The following GLI3 variants were observed in gnomAD, a reference collection of about 807,000 sequenced individuals.
GLI3 encodes the protein GLI family zinc finger 3.
GLI3 carries 20 observed loss-of-function variants against 100.8 expected under a neutral mutation model. The observed-to-expected ratio is 0.20, with a 90% confidence interval of 0.14 to 0.29. The LOEUF (loss-of-function observed/expected upper bound fraction) is 0.29. Ranked by LOEUF, GLI3 falls within the 10% of genes least tolerant of loss-of-function variation. The pLI is 1.00. For synonymous variants in GLI3, 938 were observed against 860.5 expected (o/e 1.09, Z -1.58); for missense variants, 2,040 against 2,128.5 (o/e 0.96, Z 0.82).
chr7:42,161,182 G>A lies in GLI3; in HGVS notation c.125-12714C>T, dbSNP rs1330558464. 2.6e-5 allele frequency among the ~76,000 whole-genome samples: 4 copies of A among 152,148 alleles called. No homozygotes were observed. In the East Asian group the frequency reaches 5.8e-4, roughly 22 times the overall value. On this transcript the variant is annotated intron_variant, in intron 2 of 14. Transcript: ENST00000395925. Reference sequence around the variant, plus strand: ...CTGACTGCTTTTGTACAGCCTGTGAGCTCAAATATATCTCAAACTTTTTAA... The same window carrying A: ...CTGACTGCTTTTGTACAGCCTGTGAACTCAAATATATCTCAAACTTTTTAA...
chr7:42,212,065 G>C (rs1216003100), intron 2 of GLI3, among the ~76,000 whole-genome samples: 1 of 152,182 alleles, frequency 6.6e-6, no homozygotes, highest in Non-Finnish European at 1.5e-5. Context: ...TTACAGTCGT[G>C]AGCAGTTCCA....
At chr7:42,219,730 C>CAATT (rs1788446204) in intron 2 of GLI3, among the ~76,000 whole-genome samples, 1 of 152,154 alleles carries the variant, frequency 6.6e-6, no homozygotes, top group Non-Finnish European at 1.5e-5. Flanking sequence ...TTAATTAAAG[C>CAATT]AACCTCACCA....
chr7:42,146,286 G>A (rs540814562), intron 3 of GLI3, among the ~76,000 whole-genome samples: 11 of 152,134 alleles, frequency 7.2e-5, no homozygotes, highest in African/African-American at 1.2e-4. Flanking sequence ...GAGCTCTCCC[G>A]TGCCCATCAT....
At chr7:42,181,330 G>A (rs1291173467) in intron 2 of GLI3, among the ~76,000 whole-genome samples, 2 of 152,212 alleles carry the variant, frequency 1.3e-5, no homozygotes, top group African/African-American at 4.8e-5. Flanking sequence ...GCTAGGCGCG[G>A]TGGCTCACCC....
chr7:42,121,149 C>T (rs846396), intron 3 of GLI3, among the ~76,000 whole-genome samples: 38,829 of 152,098 alleles, frequency 0.26, 5,165 homozygotes, highest in Admixed American at 0.35. Flanking sequence ...CCCCACCTGC[C>T]TCAGTGTTCC....
chr7:42,229,234 A>C (rs74329308), intron 1 of GLI3, among the ~76,000 whole-genome samples: 1,742 of 152,318 alleles, frequency 0.011, 31 homozygotes, highest in African/African-American at 0.039. Context: ...ACTTGGGCAA[A>C]AACTCTCTTC....
chr7:42,049,996 C>T (rs1313556812), intron 4 of GLI3, among the ~76,000 whole-genome samples: 3 of 152,122 alleles, frequency 2.0e-5, no homozygotes, highest in Non-Finnish European at 4.4e-5. Flanking sequence ...CCCCCATCAC[C>T]CTGTCAGAAT....
chr7:41,987,532 G>T (rs910711703), intron 10 of GLI3, among the ~76,000 whole-genome samples: 1 of 152,104 alleles, frequency 6.6e-6, no homozygotes, highest in Admixed American at 6.6e-5. Context: ...TTAATAACCT[G>T]GGAACCTCAC....
chr7:42,246,621 A>ACAAAACAAAC (rs1219429446), intron 1 of GLI3, among the ~76,000 whole-genome samples: 1 of 139,850 alleles, frequency 7.2e-6, no homozygotes, highest in Non-Finnish European at 1.5e-5. Context: ...GAAAAACAAA[A>ACAAAACAAAC]CAAAACAAAA....
In GLI3 at chr7:42,181,033, T is replaced by C. The variant is rs148272171; in HGVS notation, c.125-32565A>G. ...TTTGCAGGCCAGTCTGTTGTAATTCTGCAACTCTGCAATAGTAGGGCTAAG... is the reference window on the plus strand; with the variant it reads ...TTTGCAGGCCAGTCTGTTGTAATTCCGCAACTCTGCAATAGTAGGGCTAAG... On this transcript the variant is annotated intron_variant, in intron 2 of 14. Transcript: ENST00000395925. Among the ~76,000 whole-genome samples, 7 of 152,332 alleles carry C rather than the reference T, an allele frequency of 4.6e-5. No individual in the cohort carries two copies. In the East Asian group the frequency reaches 1.4e-3, roughly 29 times the overall value.
intron 1 of GLI3, among the ~76,000 whole-genome samples, chr7:42,245,906 GAAAA>G (rs11306047): frequency 6.9e-6 from 1 of 143,916 alleles, no homozygotes; most frequent in African/African-American, 2.6e-5. Context: ...GAAAGAAAAG[GAAAA>G]AAAAAAAAGG....
intron 7 of GLI3, among the ~76,000 whole-genome samples, chr7:42,035,598 A>C (rs1789414954): frequency 1.3e-5 from 2 of 152,232 alleles, no homozygotes; most frequent in South Asian, 4.1e-4. Flanking sequence ...GTAGCCATTA[A>C]ATAGAAAGTG....
intron 3 of GLI3, among the ~76,000 whole-genome samples, chr7:42,100,528 G>T (rs1432753827): frequency 3.3e-5 from 5 of 151,688 alleles, no homozygotes; most frequent in African/African-American, 1.2e-4. Context: ...TTGAGCTCAG[G>T]AGTTTCAGAC....
intron 12 of GLI3, among the ~76,000 whole-genome samples, chr7:41,977,144 T>C (rs1388040682): frequency 6.6e-6 from 1 of 152,210 alleles, no homozygotes; most frequent in Non-Finnish European, 1.5e-5. Context: ...TAAAAGTGGA[T>C]GACTTAGCAG....
chr7:42,142,161 G>C (rs1028244657), intron 3 of GLI3, among the ~76,000 whole-genome samples: 17 of 152,192 alleles, frequency 1.1e-4, no homozygotes, highest in African/African-American at 4.1e-4. Flanking sequence ...GGCTCTTAGA[G>C]ACTTTCCAAG....
intron 2 of GLI3, among the ~76,000 whole-genome samples, chr7:42,176,097 C>G (rs1787474817): frequency 6.6e-6 from 1 of 152,144 alleles, no homozygotes; most frequent in African/African-American, 2.4e-5. Flanking sequence ...GATTGTCACA[C>G]AAGTCAGGCA....
chr7:42,002,173 G>C (rs1015156977), intron 10 of GLI3, among the ~76,000 whole-genome samples: 1 of 152,000 alleles, frequency 6.6e-6, no homozygotes, highest in Non-Finnish European at 1.5e-5. Flanking sequence ...CCACTTTAAG[G>C]CAAAGTTTCT....
chr7:42,029,463 A>G (rs1789220640), intron 7 of GLI3, among the ~76,000 whole-genome samples: 1 of 152,202 alleles, frequency 6.6e-6, no homozygotes, highest in Non-Finnish European at 1.5e-5. Flanking sequence ...CCTCCCACGC[A>G]TACCCTCAAC....
intron 10 of GLI3, among the ~76,000 whole-genome samples, chr7:42,018,133 G>A (rs1788823190): frequency 6.6e-6 from 1 of 152,140 alleles, no homozygotes; most frequent in Non-Finnish European, 1.5e-5. Context: ...TCTCCTGAGT[G>A]TCTCTTTATG....
Sources: gnomAD v4.1 joint callset for allele counts (sites outside exome capture counted in the v4.1 genomes callset) on GRCh38, gnomAD v4.1.1 for gene constraint, MANE v1.5 for transcripts, NCBI Gene and HGNC (gene_info 2026-07-23, HGNC 2026-07-21) for gene names.